The following PTK2B variants were observed in gnomAD, a reference collection of about 807,000 sequenced individuals.
PTK2B encodes the protein protein-tyrosine kinase 2-beta.
In PTK2B, 71 loss-of-function variants were observed where a neutral mutation model predicts 142.9. The ratio of observed to expected loss-of-function variants is 0.50; its 90% CI spans 0.41 to 0.61. The LOEUF (loss-of-function observed/expected upper bound fraction) is 0.61. Among genes scored for constraint, PTK2B ranks in the 20% least tolerant of loss-of-function variants. PTK2B has a pLI of 0.00. For synonymous variants in PTK2B, 519 were observed against 503.4 expected (o/e 1.03, Z -0.42); for missense variants, 1,105 against 1,320.4 (o/e 0.84, Z 2.53).
chr8:27,454,059 T>C, intron 28 of PTK2B, 95 bp from the exon 29 acceptor site: 1 of 1,505,236 alleles, frequency 6.6e-7, no homozygotes, highest in Non-Finnish European at 9.2e-7. Context: ...ATCGGGCTGG[T>C]GGTGGAGTTG....
chr8:27,385,561 G>A (rs1807295992), intron 1 of PTK2B, among the ~76,000 whole-genome samples: 2 of 152,116 alleles, frequency 1.3e-5, no homozygotes, highest in Non-Finnish European at 2.9e-5. Flanking sequence ...AAGAAGCTCA[G>A]CCCCTCTCTG....
At chr8:27,452,906 A>G (rs1261246889) in intron 27 of PTK2B, 4 of 603,258 alleles carry the variant, frequency 6.6e-6, no homozygotes, top group African/African-American at 3.7e-5. Context: ...TTTTCTTCCT[A>G]TAAAAGGGAC....
chr8:27,340,084 G>A (rs1292814192), intron 1 of PTK2B, among the ~76,000 whole-genome samples: 2 of 152,218 alleles, frequency 1.3e-5, no homozygotes, highest in African/African-American at 4.8e-5. Context: ...TTGACATGGT[G>A]AATCTAAAGC....
intron 1 of PTK2B, among the ~76,000 whole-genome samples, chr8:27,391,644 C>T (rs753090043): frequency 4.6e-5 from 7 of 152,182 alleles, no homozygotes; most frequent in Admixed American, 6.5e-5. Flanking sequence ...CTGGAGGGGA[C>T]GTAAATGCTG....
chr8:27,436,121 C>T (rs1347378913), intron 14 of PTK2B, 130 bp from the exon 15 acceptor site: 1 of 889,220 alleles, frequency 1.1e-6, no homozygotes, highest in African/African-American at 1.7e-5. Flanking sequence ...TTTCCCCAGC[C>T]CAGTCCCTGG....
chr8:27,437,198 G>A lies in PTK2B; in HGVS notation c.1418G>A (p.Ser473Asn), dbSNP rs191072490. The A allele has an allele frequency of 1.5e-5, 25 of 1,613,900 alleles. No homozygotes were observed. The highest frequency in any genetic ancestry group is 1.5e-4 in the Admixed American group (9 of 60,032). ...CTLDNKEKFM[S>N]EAVIMKNLDH... ...CTGGACAACAAGGAGAAGTTCATGA[G>A]CGAGGCAGGTAGGGACCCCTGAGAC... The change falls in exon 16 of 31, where the codon AGC becomes AAC. Residue 473 changes from serine (S) to asparagine (N), a missense_variant. Physicochemically the swap from Ser to Asn is conservative, Grantham distance 46 (BLOSUM62 1). Transcript: ENST00000346049.
intron 1 of PTK2B, among the ~76,000 whole-genome samples, chr8:27,344,880 T>C (rs1485417855): frequency 6.6e-6 from 1 of 151,850 alleles, no homozygotes; most frequent in Non-Finnish European, 1.5e-5. Context: ...AAGAAGAGTA[T>C]TAGGGAGAGA....
chr8:27,355,851 G>T (rs1362237485), intron 1 of PTK2B, among the ~76,000 whole-genome samples: 1 of 152,006 alleles, frequency 6.6e-6, no homozygotes, highest in Non-Finnish European at 1.5e-5. Context: ...GTGAAACCCT[G>T]TCTCTACTAA....
chr8:27,350,382 G>T (rs1382967867), intron 1 of PTK2B, among the ~76,000 whole-genome samples: 1 of 7,992 alleles, frequency 1.3e-4, no homozygotes, highest in Non-Finnish European at 5.3e-4. Flanking sequence ...ACTTCCCCCA[G>T]CCAGGCAATT....
intron 2 of PTK2B, among the ~76,000 whole-genome samples, chr8:27,412,161 G>GTTGA (rs34240586): frequency 0.38 from 58,072 of 151,618 alleles, 11,521 homozygotes; most frequent in Middle Eastern, 0.5. Context: ...TACAGGCATC[G>GTTGA]TTGATTGATT....
chr8:27,398,345 T>A (rs1808189342), intron 2 of PTK2B, among the ~76,000 whole-genome samples: 1 of 152,142 alleles, frequency 6.6e-6, no homozygotes, highest in Admixed American at 6.5e-5. Context: ...AATCACAACA[T>A]CTGTTTTGCA....
Position 27,436,342 on chromosome 8 carries a change from A to G in PTK2B, c.1335A>G (p.Thr445=). 2 of 1,611,050 alleles carry G rather than the reference A, an allele frequency of 1.2e-6. No homozygotes were observed. The highest frequency in any genetic ancestry group is 2.2e-5 in the South Asian group (2 of 91,014). Residue 445 remains threonine (T), a synonymous_variant, in exon 15 of 31, where the codon ACA becomes ACG. Transcript: ENST00000346049. ...FFGEVYEGVY[T]NHKGEKINVA... ...GGGAGGTCTATGAAGGTGTCTACACAAATCACGTGAGTTCTAGGATCTTCC... is the reference window on the plus strand; with the variant it reads ...GGGAGGTCTATGAAGGTGTCTACACGAATCACGTGAGTTCTAGGATCTTCC...
At chr8:27,428,108 A>T (rs1040267004) in intron 5 of PTK2B, among the ~76,000 whole-genome samples, 15 of 152,206 alleles carry the variant, frequency 9.9e-5, no homozygotes, top group Non-Finnish European at 2.1e-4. Flanking sequence ...GTGACTGATC[A>T]TCAAGCATTA....
chr8:27,382,536 C>T (rs1032766872), intron 1 of PTK2B, among the ~76,000 whole-genome samples: 1 of 151,834 alleles, frequency 6.6e-6, no homozygotes, highest in Admixed American at 6.6e-5. Flanking sequence ...GCCTGGGCAA[C>T]ATAGTGAGAT....
chr8:27,331,317 G>A (rs566224842), intron 1 of PTK2B, among the ~76,000 whole-genome samples: 1 of 152,180 alleles, frequency 6.6e-6, no homozygotes, highest in African/African-American at 2.4e-5. Flanking sequence ...TCATATGGGG[G>A]TGATTGATGG....
At chr8:27,385,776 C>T (rs1807312672) in intron 1 of PTK2B, among the ~76,000 whole-genome samples, 1 of 151,604 alleles carries the variant, frequency 6.6e-6, no homozygotes, top group East Asian at 1.9e-4. Flanking sequence ...ACCTATAATC[C>T]CAGCTACTCG....
At position 27,435,500 on chromosome 8, in the gene PTK2B, A is replaced by G. The variant is rs1810713960; in HGVS notation, c.1193-243A>G. Among the ~76,000 whole-genome samples the G allele has an allele frequency of 2.6e-5, 4 of 152,280 alleles. No homozygotes were observed. The South Asian group carries it at 8.3e-4, about 31-fold the overall frequency. ...TTCATAAAAGGGAAAACTGAGATTA[A>G]GGGAGATTAACCAACTTGCCCTAAA... is the stretch of plus-strand genomic sequence containing the variant. On this transcript the variant is annotated intron_variant, in intron 13 of 30. Transcript: ENST00000346049.
At chr8:27,451,716 C>T in intron 27 of PTK2B, 2 of 1,417,880 alleles carry the variant, frequency 1.4e-6, no homozygotes, top group African/African-American at 2.9e-5. Flanking sequence ...GCACCCTGCC[C>T]TTCTCTCTCT....
intron 2 of PTK2B, among the ~76,000 whole-genome samples, chr8:27,312,780 C>G (rs930278275): frequency 6.6e-6 from 1 of 152,178 alleles, no homozygotes; most frequent in Admixed American, 6.5e-5. Flanking sequence ...ATTACTCTTT[C>G]TCTCTGCCTT....
Sources: gnomAD v4.1 joint callset for allele counts (sites outside exome capture counted in the v4.1 genomes callset) on GRCh38, gnomAD v4.1.1 for gene constraint, MANE v1.5 for transcripts, NCBI Gene and HGNC (gene_info 2026-07-23, HGNC 2026-07-21) for gene names.